UBE2A: variants seen among roughly 807,000 people sequenced by gnomAD.
UBE2A encodes the protein ubiquitin conjugating enzyme E2 A.
For synonymous variants in UBE2A, 39 were observed against 41.1 expected (o/e 0.95, Z 0.20); for missense variants, 27 against 125.8 (o/e 0.21, Z 3.76).
In UBE2A at chrX:119,574,653, C is replaced by T. The variant is rs188892019; in HGVS notation, c.-59C>T. 0.018 allele frequency: 20,908 copies of T among 1,165,558 alleles called. 151 individuals are homozygous for T. Among genetic ancestry groups the T allele is most frequent in the Non-Finnish European group, 0.021 (18,295 of 870,772 alleles). On this transcript the variant is annotated 5_prime_UTR_variant, in exon 1 of 6. Transcript: ENST00000371558. ...GCTTCTCCAGCCTCTTCGGCCTCCTCGCCCGCCGCGGGAACCCGAGACCCC... is the reference window on the plus strand; with the variant it reads ...GCTTCTCCAGCCTCTTCGGCCTCCTTGCCCGCCGCGGGAACCCGAGACCCC...
chrX:119,582,049 C>T (rs1263522057), intron 4 of UBE2A, among the ~76,000 whole-genome samples: 5 of 112,556 alleles, frequency 4.4e-5, no homozygotes, highest in Middle Eastern at 9.3e-3. Context: ...GCCAGGCATA[C>T]GGTATTGTCA....
intron 4 of UBE2A, 89 bp from the exon 5 acceptor site, chrX:119,582,499 A>G (rs2053456319): frequency 1.4e-6 from 1 of 696,115 alleles, no homozygotes; most frequent in Non-Finnish European, 2.2e-6. Context: ...CTTCAAAAGC[A>G]AAGTATTCTT....
At chrX:119,581,666 G>A (rs2053451552) in intron 4 of UBE2A, 70 bp downstream of exon 4, 8 of 868,826 alleles carry the variant, frequency 9.2e-6, no homozygotes, top group Non-Finnish European at 1.2e-5. Flanking sequence ...CACATTTCCT[G>A]TGTATTTTGT....
chrX:119,582,978 C>G, intron 5 of UBE2A, 149 bp from the exon 6 acceptor site: 1 of 684,625 alleles, frequency 1.5e-6, no homozygotes, highest in Non-Finnish European at 2.2e-6. Context: ...ATATATTTTC[C>G]TAGCTACTAG....
In UBE2A at chrX:119,574,695, C is replaced by G. The variant is rs999770666; in HGVS notation, c.-17C>G. 2 of 1,194,901 alleles carry G rather than the reference C, an allele frequency of 1.7e-6. No individual in the cohort carries two copies. The highest frequency in any genetic ancestry group is 3.5e-5 in the African/African-American group (2 of 57,657). ...CGAGACCCCAGTGTATGCCCCACCC[C>G]TGACCCCGCTCGCGACATGTCCACC... On this transcript the variant is annotated 5_prime_UTR_variant, in exon 1 of 6. Coordinates refer to ENST00000371558, the MANE Select transcript of UBE2A (RefSeq NM_003336.4).
chrX:119,576,047 A>C (rs1025509582), intron 3 of UBE2A, among the ~76,000 whole-genome samples: 3 of 112,493 alleles, frequency 2.7e-5, no homozygotes, highest in African/African-American at 6.5e-5. Context: ...AATTGAAGTT[A>C]GCCTTAATGT....
rs190632738 is a variant in UBE2A, at chrX:119,576,895, A to T, written c.151+1495A>T. ...GCTAGACTTAATTTTCTTCTACCAG[A>T]TTGGCACTAGTTTTTTTGTTTGTTT... On this transcript the variant is annotated intron_variant, in intron 3 of 5. Transcript: ENST00000371558. The T allele has an allele frequency of 6.3e-3, 706 of 112,033 alleles. 7 individuals are homozygous for T. The highest frequency in any genetic ancestry group is 0.023 in the Middle Eastern group (5 of 218). The allele number at this position is 112,033 out of a possible 1,213,427, so 9.2% of individuals were successfully genotyped here.
rs1176992202 is a variant in UBE2A at position 119,574,934 on chromosome X, G to A, written c.78G>A (p.Gly26=). ...LQEDPPAGVS[G]APSENNIMVW... ...AGGATCCTCCAGCCGGAGTCAGCGG[G>A]GCTCCGTCCGAGAACAACATAATGG... is the stretch of plus-strand genomic sequence containing the variant. Residue 26 remains glycine (G), a synonymous_variant, in exon 2 of 6, where the codon GGG becomes GGA. Transcript: ENST00000371558. 1.7e-6 allele frequency: 2 copies of A among 1,210,903 alleles called. No homozygotes were observed. The highest frequency in any genetic ancestry group is 1.7e-5 in the African/African-American group (1 of 57,498).
At chrX:119,576,829 C>T (rs960221944) in intron 3 of UBE2A, 6 of 112,344 alleles carry the variant, frequency 5.3e-5, no homozygotes, top group Non-Finnish European at 1.1e-4. Context: ...ACTACTTTGG[C>T]GCAGTTAATC....
At chrX:119,581,871 C>T (rs999935675) in intron 4 of UBE2A, among the ~76,000 whole-genome samples, 2 of 112,495 alleles carry the variant, frequency 1.8e-5, no homozygotes, top group African/African-American at 3.2e-5. Context: ...TTGAGGTTTC[C>T]TTTTAATGCT....
chrX:119,579,884 A>C (rs886263493), intron 3 of UBE2A, among the ~76,000 whole-genome samples: 6 of 112,040 alleles, frequency 5.4e-5, no homozygotes, highest in Non-Finnish European at 1.1e-4. Context: ...TACACTTGAG[A>C]TCATAATACA....
At chrX:119,578,637 A>G (rs1009834998) in intron 3 of UBE2A, among the ~76,000 whole-genome samples, 6 of 111,323 alleles carry the variant, frequency 5.4e-5, no homozygotes, top group African/African-American at 2.0e-4. Flanking sequence ...ATGGCAGAAA[A>G]CACCTGCAGG....
At chrX:119,576,379 A>G (rs1186220546) in intron 3 of UBE2A, among the ~76,000 whole-genome samples, 1 of 111,044 alleles carries the variant, frequency 9.0e-6, no homozygotes, top group African/African-American at 3.3e-5. Context: ...AGTTTAATAC[A>G]TTTAAAGGAT....
Position 119,574,711 on chromosome X carries a change from C to T in UBE2A, c.-1C>T. The T allele has an allele frequency of 2.5e-6, 3 of 1,198,716 alleles. No individual in the cohort carries two copies. The highest frequency in any genetic ancestry group is 3.4e-6 in the Non-Finnish European group (3 of 889,681). ...GCCCCACCCCTGACCCCGCTCGCGA[C>T]ATGTCCACCCCGGCTCGGCGGCGCC... On this transcript the variant is annotated 5_prime_UTR_variant, in exon 1 of 6. Transcript: ENST00000371558.
chrX:119,578,276 T>G (rs2053430931), intron 3 of UBE2A, among the ~76,000 whole-genome samples: 1 of 112,011 alleles, frequency 8.9e-6, no homozygotes, highest in Non-Finnish European at 1.9e-5. Flanking sequence ...TCAGAATATC[T>G]TGGTATACAT....
In UBE2A at chrX:119,582,585, T is replaced by C. The variant is rs767134852; in HGVS notation, c.242-3T>C. 1 of 1,197,296 alleles carries C rather than the reference T, an allele frequency of 8.4e-7. No homozygotes were observed. Among genetic ancestry groups the C allele is most frequent in the Non-Finnish European group, 1.1e-6 (1 of 884,035 alleles). On this transcript the variant is annotated splice_region_variant and splice_polypyrimidine_tract_variant and intron_variant, in intron 4 of 5. Transcript: ENST00000371558. ...TTTAATGTACCTACTTCTTTGTTCT[T>C]AGTCTATGCAGATGGTAGTATATGT...
intron 3 of UBE2A, 150 bp from the exon 4 acceptor site, chrX:119,581,357 C>A: frequency 2.4e-6 from 1 of 422,024 alleles, no homozygotes; most frequent in Non-Finnish European, 4.2e-6. Context: ...AGAGCAATTC[C>A]TAGAGATGTA....
intron 2 of UBE2A, 128 bp downstream of exon 2, chrX:119,575,109 G>A: frequency 1.1e-6 from 1 of 905,469 alleles, no homozygotes; most frequent in Non-Finnish European, 1.6e-6. Context: ...CTGGGCCTAG[G>A]CGCCTCCCCG....
chrX:119,583,374 T>G lies in UBE2A; in HGVS notation c.*119T>G, dbSNP rs143338897. The G allele has an allele frequency of 3.4e-4, 366 of 1,067,005 alleles. No homozygotes were observed. The African/African-American group carries it at 6.2e-3, about 18-fold the overall frequency. 87.9% of individuals were successfully genotyped at this position (1,067,005 alleles called of 1,213,427 possible). On this transcript the variant is annotated 3_prime_UTR_variant, in exon 6 of 6. Transcript: ENST00000371558. ...AAAGCAAAATAACTGTTGTGCTGTT[T>G]CCATCTTCCTTGCCAAGTTTTCCTA...
Sources: gnomAD v4.1 joint callset for allele counts (sites outside exome capture counted in the v4.1 genomes callset) on GRCh38, gnomAD v4.1.1 for gene constraint, MANE v1.5 for transcripts, NCBI Gene and HGNC (gene_info 2026-07-23, HGNC 2026-07-21) for gene names.